The following ADAMTSL1 variants were observed in gnomAD, a reference collection of about 807,000 sequenced individuals.
ADAMTSL1 encodes ADAMTS-like protein 1.
Under a neutral mutation model 201.8 loss-of-function variants are expected in ADAMTSL1, and 126 were observed. That is an observed-to-expected ratio of 0.62 (90% CI 0.54 to 0.72). The LOEUF (loss-of-function observed/expected upper bound fraction) is 0.72, where lower values mean the gene tolerates loss of function less well. Among genes scored for constraint, ADAMTSL1 ranks in the 30% least tolerant of loss-of-function variants. The probability of loss-of-function intolerance (pLI) is 0.00; values close to 1 mark genes in which losing one functional copy is unlikely to be tolerated. For missense variants in ADAMTSL1, 2,679 were observed against 2,277.8 expected, an observed-to-expected ratio of 1.18 and a Z score of -3.59; for synonymous variants, 1,121 against 903.4, an observed-to-expected ratio of 1.24 and a Z score of -4.32.
chr9:18,239,455 C>G (rs1344146479), intron 2 of ADAMTSL1, among the ~76,000 whole-genome samples: 5 of 152,150 alleles, frequency 3.3e-5, no homozygotes, highest in East Asian at 3.9e-4. Flanking sequence ...AACCCACTAT[C>G]TGGCTGGGCA....
intron 2 of ADAMTSL1, among the ~76,000 whole-genome samples, chr9:18,356,604 A>AGCAC (rs374756090): frequency 7.0e-6 from 1 of 143,452 alleles, no homozygotes. Flanking sequence ...TACACAATAA[A>AGCAC]ACACACACAC....
intron 2 of ADAMTSL1, among the ~76,000 whole-genome samples, chr9:18,226,074 G>C (rs890795536): frequency 1.3e-5 from 2 of 152,122 alleles, no homozygotes; most frequent in African/African-American, 4.8e-5. Flanking sequence ...ATATTTAATA[G>C]GAGTTTTCTT....
chr9:18,055,759 A>G (rs1192808177), intron 1 of ADAMTSL1, among the ~76,000 whole-genome samples: 1 of 152,238 alleles, frequency 6.6e-6, no homozygotes, highest in Non-Finnish European at 1.5e-5. Flanking sequence ...GAGAAGAAGA[A>G]TGAGGTAAAT....
rs576153989 is a variant in ADAMTSL1 at position 18,399,797 on chromosome 9, C to T, written c.208-105032C>T. Among the ~76,000 whole-genome samples, 121 of 152,090 alleles carry T rather than the reference C, an allele frequency of 8.0e-4. 2 individuals carry two copies. The highest frequency in any genetic ancestry group is 1.6e-3 in the Non-Finnish European group (112 of 67,994). On this transcript the variant is annotated intron_variant, in intron 2 of 29. Coordinates refer to the ADAMTSL1 transcript ENST00000680146. ...GCCATGGAGCTGGCTTGTTCCAAGA[C>T]AAAAACCAGGGTTTCCTAGAGTTGC...
intron 2 of ADAMTSL1, among the ~76,000 whole-genome samples, chr9:18,395,490 A>G (rs1348426083): frequency 1.3e-5 from 2 of 152,214 alleles, no homozygotes; most frequent in East Asian, 3.8e-4. Flanking sequence ...ATTCTTCTCC[A>G]AAGGAAAGCC....
intron 9 of ADAMTSL1, 93 bp from the exon 10 acceptor site, chr9:18,675,764 T>C (rs1830097274): frequency 9.1e-7 from 1 of 1,098,600 alleles, no homozygotes; most frequent in African/African-American, 1.6e-5. Context: ...TTATTTTGCA[T>C]TTGTATTAAA....
chr9:18,589,657 T>C (rs912302132), intron 4 of ADAMTSL1, among the ~76,000 whole-genome samples: 9 of 152,212 alleles, frequency 5.9e-5, no homozygotes, highest in African/African-American at 1.9e-4. Context: ...TTTCAGGTTT[T>C]AGTGGAAAGG....
At chr9:18,591,848 G>C (rs760960078) in intron 4 of ADAMTSL1, among the ~76,000 whole-genome samples, 1 of 152,166 alleles carries the variant, frequency 6.6e-6, no homozygotes, top group Non-Finnish European at 1.5e-5. Context: ...GCATCCTGCT[G>C]GTTGTGGAGG....
chr9:18,272,774 C>G (rs112934006), intron 2 of ADAMTSL1, among the ~76,000 whole-genome samples: 1 of 152,188 alleles, frequency 6.6e-6, no homozygotes, highest in African/African-American at 2.4e-5. Flanking sequence ...CTGGCCCTCT[C>G]TTAACCATTT....
intron 22 of ADAMTSL1, among the ~76,000 whole-genome samples, chr9:18,826,730 C>A (rs898389049): frequency 6.6e-6 from 1 of 152,160 alleles, no homozygotes; most frequent in Non-Finnish European, 1.5e-5. Context: ...GGTCTCTATG[C>A]GGAGACTCCA....
At chr9:18,285,027 A>T (rs1171479352) in intron 2 of ADAMTSL1, among the ~76,000 whole-genome samples, 1 of 152,104 alleles carries the variant, frequency 6.6e-6, no homozygotes, top group Non-Finnish European at 1.5e-5. Flanking sequence ...GTATCTTTGG[A>T]CACATCTCAT....
chr9:18,542,790 C>A (rs557040466), intron 3 of ADAMTSL1, among the ~76,000 whole-genome samples: 1 of 152,174 alleles, frequency 6.6e-6, no homozygotes, highest in Non-Finnish European at 1.5e-5. Flanking sequence ...TCTCTTCTGA[C>A]AAAGTACTGT....
intron 16 of ADAMTSL1, among the ~76,000 whole-genome samples, chr9:18,765,339 T>C (rs1217361491): frequency 6.6e-6 from 1 of 152,194 alleles, no homozygotes; most frequent in Non-Finnish European, 1.5e-5. Context: ...AAGGACTCAA[T>C]AGGACCCATG....
At chr9:17,986,818 T>C (rs1384146504) in intron 1 of ADAMTSL1, among the ~76,000 whole-genome samples, 2 of 152,104 alleles carry the variant, frequency 1.3e-5, no homozygotes, top group African/African-American at 2.4e-5. Flanking sequence ...TTGAGACTGT[T>C]GACTAGGTGC....
At chr9:18,211,326 A>G (rs1248812170) in intron 2 of ADAMTSL1, among the ~76,000 whole-genome samples, 1 of 151,904 alleles carries the variant, frequency 6.6e-6, no homozygotes, top group African/African-American at 2.4e-5. Context: ...GCCCCCCTCC[A>G]TTTTTTCCCT....
chr9:18,288,977 G>A (rs759015049), intron 2 of ADAMTSL1, among the ~76,000 whole-genome samples: 11 of 152,276 alleles, frequency 7.2e-5, no homozygotes, highest in South Asian at 6.2e-4. Context: ...TACTTTCAAA[G>A]TAATTATACC....
chr9:18,564,371 C>T lies in ADAMTSL1; in HGVS notation c.238-9659C>T, dbSNP rs573672600. Among the ~76,000 whole-genome samples, 18 of 152,150 alleles carry T rather than the reference C, an allele frequency of 1.2e-4. No homozygotes were observed. The East Asian group carries it at 2.5e-3, about 21-fold the overall frequency. On this transcript the variant is annotated intron_variant, in intron 3 of 28. Coordinates refer to ENST00000380548, the MANE Select transcript of ADAMTSL1 (RefSeq NM_001040272.6). ...GTCTAACCAGTCCCAGTGAGATGAC[C>T]GGGGTACCTCAGTTGGAAATGCCGA...
At chr9:18,301,800 C>T (rs903380542) in intron 2 of ADAMTSL1, among the ~76,000 whole-genome samples, 4 of 152,150 alleles carry the variant, frequency 2.6e-5, no homozygotes, top group Admixed American at 1.3e-4. Context: ...GTGACAATGA[C>T]GGAAAGCTAT....
intron 4 of ADAMTSL1, among the ~76,000 whole-genome samples, chr9:18,605,520 T>C (rs570630647): frequency 5.9e-5 from 9 of 152,200 alleles, no homozygotes. Flanking sequence ...AGCATGTTTG[T>C]ACTCAGCAAT....
Sources: allele counts gnomAD v4.1 joint callset (sites outside exome capture counted in the v4.1 genomes callset), GRCh38; gene constraint gnomAD v4.1.1; transcripts MANE v1.5; gene names NCBI Gene and HGNC (gene_info 2026-07-23, HGNC 2026-07-21).